Variants in SOS1 observed in about 807,000 individuals in gnomAD.
SOS1 encodes the protein SOS Ras/Rac guanine nucleotide exchange factor 1.
SOS1 carries 25 observed loss-of-function variants against 157.6 expected under a neutral mutation model. The observed-to-expected ratio is 0.16, with a 90% CI of 0.12 to 0.22. The LOEUF is 0.22. SOS1 is among the 10% of genes least tolerant of loss of function. The pLI, the probability that SOS1 is intolerant of heterozygous loss-of-function variation, is 1.00. For missense variants in SOS1, 1,237 were observed against 1,599.1 expected, an observed-to-expected ratio of 0.77 and a Z score of 3.86; for synonymous variants, 528 against 534.0, an observed-to-expected ratio of 0.99 and a Z score of 0.16.
At chr2:39,124,835 C>G (rs769043048), upstream of SOS1, among the ~76,000 whole-genome samples, 94 of 152,290 alleles carry the variant, frequency 6.2e-4, no homozygotes, top group Middle Eastern at 0.014. Context: ...CTGTCTCCTG[C>G]TATTCAGAAT....
intron 1 of SOS1, among the ~76,000 whole-genome samples, chr2:39,104,003 G>A (rs1673071089): frequency 6.6e-6 from 1 of 152,208 alleles, no homozygotes; most frequent in South Asian, 2.1e-4. Flanking sequence ...CAATGGTCCA[G>A]GCGCAGTGGC....
In SOS1 at chr2:38,995,176, G is replaced by C; in HGVS notation, c.3293C>G (p.Thr1098Ser). The C allele has an allele frequency of 6.2e-7, 1 of 1,613,990 alleles. No individual in the cohort carries two copies. Among genetic ancestry groups the C allele is most frequent in the Non-Finnish European group, 8.5e-7 (1 of 1,179,904 alleles). Residue 1098 changes from threonine (T) to serine (S), a missense_variant, in exon 20 of 23, where the codon ACC (threonine) becomes AGC (serine). By Grantham distance (58) the Thr-to-Ser change is moderately conservative. Around this residue, in one of 15 missense-constraint regions of SOS1, gnomAD observed 306 missense variants for 322.6 expected, o/e 0.95. Transcript: ENST00000402219. ...TPPPASGASS[T>S]TDVCSVFDSD... ...ATCAAATACACTGCAAACATCTGTGGTACTGGAAGCACCAGAAGCAGGCGG... is the reference window on the plus strand; with the variant it reads ...ATCAAATACACTGCAAACATCTGTGCTACTGGAAGCACCAGAAGCAGGCGG...
chr2:38,992,764 A>G (rs1242268612), intron 20 of SOS1: 1 of 152,224 alleles, frequency 6.6e-6, no homozygotes, highest in East Asian at 1.9e-4. Context: ...AAAATCCTGC[A>G]AACAGTTAAA....
intron 6 of SOS1, among the ~76,000 whole-genome samples, chr2:39,036,513 G>T (rs565169065): frequency 2.4e-4 from 37 of 152,190 alleles, no homozygotes; most frequent in African/African-American, 8.4e-4. Context: ...ACCGCGCCTG[G>T]TTACATTTTT....
chr2:39,103,458 G>A (rs1047479027), intron 1 of SOS1, among the ~76,000 whole-genome samples: 1 of 152,092 alleles, frequency 6.6e-6, no homozygotes, highest in African/African-American at 2.4e-5. Context: ...TAGACATATA[G>A]ACCAACAGCA....
At chr2:39,002,721 A>G (rs1237706643) in intron 17 of SOS1, among the ~76,000 whole-genome samples, 1 of 152,180 alleles carries the variant, frequency 6.6e-6, no homozygotes, top group Admixed American at 6.5e-5. Flanking sequence ...ATAGGCTTTA[A>G]TATTTTTCCA....
chr2:39,059,994 C>T (rs754979381), intron 2 of SOS1, among the ~76,000 whole-genome samples: 4 of 151,856 alleles, frequency 2.6e-5, no homozygotes, highest in Admixed American at 6.6e-5. Context: ...TGCAGTAAAA[C>T]GCAATACAAA....
chr2:39,088,687 T>G lies in SOS1; in HGVS notation c.88-20934A>C, dbSNP rs550057165. On this transcript the variant is annotated intron_variant, in intron 1 of 22. Transcript: ENST00000402219. ...TTTCTAGGGCTGAATAGTATTCTAT[T>G]ACATGCATGTATATACTACATTTAT... is the stretch of plus-strand genomic sequence containing the variant. Among the ~76,000 whole-genome samples, 3 of 152,322 alleles carry G rather than the reference T, an allele frequency of 2.0e-5. No individual in the cohort carries two copies. The South Asian group carries it at 6.2e-4, about 32-fold the overall frequency.
At chr2:39,124,765 G>C (rs1295651667), upstream of SOS1, among the ~76,000 whole-genome samples, 1 of 152,146 alleles carries the variant, frequency 6.6e-6, no homozygotes, top group Non-Finnish European at 1.5e-5. Context: ...TATCTTTCTA[G>C]CTGTATCTCT....
chr2:39,097,125 C>G (rs1251048462), intron 1 of SOS1, among the ~76,000 whole-genome samples: 1 of 152,054 alleles, frequency 6.6e-6, no homozygotes, highest in Non-Finnish European at 1.5e-5. Context: ...TCATGAGGAT[C>G]TGACAGGAGA....
intron 2 of SOS1, among the ~76,000 whole-genome samples, chr2:39,062,483 T>C (rs1019558363): frequency 1.1e-4 from 16 of 142,334 alleles, no homozygotes; most frequent in African/African-American, 3.6e-4. Context: ...AAGGATTCTT[T>C]AGGATTCCAA....
At chr2:38,991,606 G>A (rs1384672570) in intron 20 of SOS1, among the ~76,000 whole-genome samples, 1 of 152,218 alleles carries the variant, frequency 6.6e-6, no homozygotes, top group Admixed American at 6.5e-5. Context: ...GTGGAGCAGG[G>A]CTTTGAATGT....
chr2:39,062,472 T>C (rs1572863679), intron 2 of SOS1, among the ~76,000 whole-genome samples: 1 of 128,938 alleles, frequency 7.8e-6, no homozygotes, highest in Non-Finnish European at 1.7e-5. Flanking sequence ...AAAGAAATTA[T>C]AAGGATTCTT....
intron 1 of SOS1, among the ~76,000 whole-genome samples, chr2:39,097,040 T>C (rs1246828625): frequency 1.3e-5 from 2 of 152,146 alleles, no homozygotes; most frequent in African/African-American, 4.8e-5. Context: ...CTATGAGGGA[T>C]GGGAAGAGTT....
intron 1 of SOS1, among the ~76,000 whole-genome samples, chr2:39,108,555 A>G (rs1490897099): frequency 6.6e-6 from 1 of 152,064 alleles, no homozygotes; most frequent in Non-Finnish European, 1.5e-5. Context: ...TCACTCATTC[A>G]TTCATTCATT....
chr2:39,070,719 T>TA (rs1304520537), intron 1 of SOS1, among the ~76,000 whole-genome samples: 1 of 152,218 alleles, frequency 6.6e-6, no homozygotes, highest in African/African-American at 2.4e-5. Context: ...CACTTAGATG[T>TA]AGTCCTAGAA....
intron 10 of SOS1, among the ~76,000 whole-genome samples, chr2:39,022,205 T>C (rs1322597373): frequency 6.6e-6 from 1 of 151,740 alleles, no homozygotes; most frequent in Admixed American, 6.6e-5. Context: ...TTTTTATTTA[T>C]AATCTCAGAA....
chr2:39,052,190 C>A (rs1671039930), intron 5 of SOS1, among the ~76,000 whole-genome samples: 1 of 152,110 alleles, frequency 6.6e-6, no homozygotes, highest in African/African-American at 2.4e-5. Flanking sequence ...TAAAATTCAA[C>A]AAATGATAGT....
intron 1 of SOS1, among the ~76,000 whole-genome samples, chr2:39,117,403 A>G (rs901206162): frequency 6.6e-6 from 1 of 152,192 alleles, no homozygotes; most frequent in African/African-American, 2.4e-5. Context: ...TGTGCAATAG[A>G]TAAGATAGGA....
Sources: allele counts gnomAD v4.1 joint callset (sites outside exome capture counted in the v4.1 genomes callset), GRCh38; gene constraint gnomAD v4.1.1; regional missense constraint gnomAD v4.1.1; transcripts MANE v1.5; gene names NCBI Gene and HGNC (gene_info 2026-07-23, HGNC 2026-07-21).